TAB2: variants seen among roughly 807,000 people sequenced by gnomAD.
TAB2 encodes TGF-beta-activated kinase 1 and MAP3K7-binding protein 2.
A neutral mutation model predicts 65.0 loss-of-function variants in TAB2; 3 were observed. The ratio of observed to expected loss-of-function variants is 0.05; its 90% CI spans 0.02 to 0.12. The LOEUF (loss-of-function observed/expected upper bound fraction) is 0.12, where lower values mean the gene tolerates loss of function less well. TAB2 is among the 10% of genes least tolerant of loss of function. The probability of loss-of-function intolerance (pLI) is 1.00; values close to 1 mark genes in which losing one functional copy is unlikely to be tolerated. For missense variants in TAB2, 623 were observed against 840.3 expected, an observed-to-expected ratio of 0.74 and a Z score of 3.20; for synonymous variants, 298 against 285.1, an observed-to-expected ratio of 1.05 and a Z score of -0.46.
In TAB2 at chr6:149,382,640, A is replaced by T. The variant is rs187662435; in HGVS notation, c.1603+3122A>T. On this transcript the variant is annotated intron_variant, in intron 3 of 6. Transcript: ENST00000637181. ...AACTAGGAAGTTAGAGAAGCCCACA[A>T]TGTTAACCACTATCATATAATGTCT... Among the ~76,000 whole-genome samples, 5 of 152,238 alleles carry T rather than the reference A, an allele frequency of 3.3e-5. No homozygotes were observed. In the East Asian group the frequency reaches 9.6e-4, roughly 29 times the overall value.
At chr6:149,228,568 G>A (rs1777333152) in intron 1 of TAB2, among the ~76,000 whole-genome samples, 1 of 152,234 alleles carries the variant, frequency 6.6e-6, no homozygotes, top group African/African-American at 2.4e-5. Context: ...ACCAGCTGGA[G>A]ACAGGGTTCT....
intron 1 of TAB2, among the ~76,000 whole-genome samples, chr6:149,275,121 T>TGG (rs200997578): frequency 1.2e-5 from 1 of 85,946 alleles, no homozygotes; most frequent in African/African-American, 5.9e-5. Flanking sequence ...TTTTCTCTTC[T>TGG]TCTGTTTTTT....
At chr6:149,312,356 A>C (rs545750) in intron 1 of TAB2, among the ~76,000 whole-genome samples, 7 of 151,846 alleles carry the variant, frequency 4.6e-5, no homozygotes, top group Admixed American at 4.6e-4. Context: ...GCTTTTTTTT[A>C]ATTTTTTTGT....
At position 149,311,252 on chromosome 6, in the gene TAB2, T is replaced by C. The variant is rs534871023; in HGVS notation, c.-120-66766T>C. Among the ~76,000 whole-genome samples the C allele has an allele frequency of 1.3e-4, 20 of 152,342 alleles. No individual in the cohort carries two copies. In the East Asian group the frequency reaches 3.5e-3, roughly 26 times the overall value. On this transcript the variant is annotated intron_variant, in intron 1 of 1. Coordinates refer to the TAB2 transcript ENST00000606202. ...AAATATGCTCTATCTTTTCTGACTCTCTGGTCTTTTCTCCAGCTATCACAG... is the reference window on the plus strand; with the variant it reads ...AAATATGCTCTATCTTTTCTGACTCCCTGGTCTTTTCTCCAGCTATCACAG...
In TAB2 at chr6:149,379,810, T is replaced by C. The variant is rs140391735; in HGVS notation, c.1603+292T>C. The C allele has an allele frequency of 3.3e-3, 1,460 of 446,150 alleles. 17 individuals are homozygous for C. Among genetic ancestry groups the C allele is most frequent in the African/African-American group, 0.026 (1,305 of 49,750 alleles). The allele number at this position is 446,150 out of a possible 1,614,324, so 27.6% of individuals were successfully genotyped here. A position where few individuals can be genotyped will look rare whatever the true frequency, so the allele number is the denominator to read the frequency against. On this transcript the variant is annotated intron_variant, in intron 3 of 6. Transcript: ENST00000637181. ...AACACTTTCTTTTCAGTTAATCTTA[T>C]ACCTGTGGTGATGCTGACTTTCTCT...
chr6:149,311,297 G>A (rs1353237274), intron 1 of TAB2, among the ~76,000 whole-genome samples: 5 of 152,016 alleles, frequency 3.3e-5, no homozygotes, highest in Admixed American at 1.3e-4. Flanking sequence ...ATGCCCTCCC[G>A]TTTTTCTGTC....
Position 149,317,772 on chromosome 6 carries a change from C to G in TAB2, c.-333C>G, listed in dbSNP as rs1338024466. 1 of 165,114 alleles carries G rather than the reference C, an allele frequency of 6.1e-6. No homozygotes were observed. The allele number at this position is 165,114 out of a possible 1,614,324, so 10.2% of individuals were successfully genotyped here. A position where few individuals can be genotyped will look rare whatever the true frequency, so the allele number is the denominator to read the frequency against. On this transcript the variant is annotated 5_prime_UTR_variant, in exon 1 of 7. Transcript: ENST00000637181. This position sits in a 1 kb window ranked among gnomAD's most constrained non-coding sequence, Gnocchi z 4.7. ...ACCCAGCCCGACCCCCTCCCCTCCC[C>G]CTCAGCCAGGAGCGGTGGCGGCGGC...
chr6:149,343,298 G>A (rs998084673), intron 1 of TAB2, among the ~76,000 whole-genome samples: 7 of 147,034 alleles, frequency 4.8e-5, no homozygotes, highest in African/African-American at 1.8e-4. Context: ...GCGAAACCCC[G>A]CCTCCACTAA....
At chr6:149,380,526 A>T (rs1781572248) in intron 3 of TAB2, among the ~76,000 whole-genome samples, 1 of 152,306 alleles carries the variant, frequency 6.6e-6, no homozygotes, top group South Asian at 2.1e-4. Flanking sequence ...AAATAGAGAA[A>T]TTTCTGTCAT....
chr6:149,275,125 G>GTTTTTTTTTTTTTTTTTTTTTTTTT (rs370658789), intron 1 of TAB2, among the ~76,000 whole-genome samples: 1 of 67,856 alleles, frequency 1.5e-5, no homozygotes, highest in African/African-American at 6.6e-5. Flanking sequence ...CTCTTCTTCT[G>GTTTTTTTTTTTTTTTTTTTTTTTTT]TTTTTTTTTT....
At chr6:149,391,422 G>A (rs1781980449) in intron 3 of TAB2, among the ~76,000 whole-genome samples, 2 of 151,690 alleles carry the variant, frequency 1.3e-5, no homozygotes, top group Non-Finnish European at 2.9e-5. Context: ...TCCCCACTAT[G>A]GTTTCTCCAT....
chr6:149,275,232 GAGAGAAAGAAAGAAAGAAAGAAAGAA>G (rs1301490421), intron 1 of TAB2, among the ~76,000 whole-genome samples: 11 of 123,772 alleles, frequency 8.9e-5, no homozygotes, highest in African/African-American at 3.1e-4. Flanking sequence ...GGGGGAGAGA[GAGAGAAAGAAAGAAAGAAAGAAAGAA>G]AGAAAGAAAG....
At chr6:149,363,181 G>A (rs565141264) in intron 1 of TAB2, among the ~76,000 whole-genome samples, 47 of 152,136 alleles carry the variant, frequency 3.1e-4, no homozygotes, top group Non-Finnish European at 6.2e-4. Flanking sequence ...AAGTAACTGG[G>A]CAGAGGAGTA....
chr6:149,271,521 A>T (rs144484969), intron 1 of TAB2, among the ~76,000 whole-genome samples: 3,789 of 152,318 alleles, frequency 0.025, 75 homozygotes, highest in Middle Eastern at 0.068. Flanking sequence ...TGAAAAGAGA[A>T]GGCAGAGCAC....
At chr6:149,257,767 C>A (rs1778069570) in intron 1 of TAB2, among the ~76,000 whole-genome samples, 1 of 152,098 alleles carries the variant, frequency 6.6e-6, no homozygotes, top group South Asian at 2.1e-4. Context: ...CCCCTGATAA[C>A]TCCCCTAAAA....
chr6:149,352,951 C>T (rs1009921537), intron 1 of TAB2, among the ~76,000 whole-genome samples: 1 of 152,120 alleles, frequency 6.6e-6, no homozygotes, highest in Non-Finnish European at 1.5e-5. Flanking sequence ...TCTTAAGGAG[C>T]TTTTAAGGTT....
intron 3 of TAB2, among the ~76,000 whole-genome samples, chr6:149,383,148 C>T (rs1300032565): frequency 3.3e-5 from 5 of 151,160 alleles, no homozygotes; most frequent in Non-Finnish European, 7.4e-5. Context: ...AGTGAGATTC[C>T]GTCTCAAAAA....
At chr6:149,347,151 G>A (rs2114794591) in intron 1 of TAB2, 1 of 152,232 alleles carries the variant, frequency 6.6e-6, no homozygotes, top group African/African-American at 2.4e-5. Context: ...TAGATTTATT[G>A]CACTTTTCTT....
chr6:149,378,577 C>G lies in TAB2; in HGVS notation c.662C>G (p.Thr221Ser). 1.9e-6 allele frequency: 3 copies of G among 1,613,862 alleles called. No homozygotes were observed. The highest frequency in any genetic ancestry group is 2.5e-6 in the Non-Finnish European group (3 of 1,180,016). The stretch of plus-strand genomic sequence containing the variant: ...ATCTATATTAGGCCTTACATTACAA[C>G]TCCTGGTGGTACAACTCGACAGACA... Reference protein sequence around the residue: ...NSIYIRPYITTPGGTTRQTQQ... With the variant: ...NSIYIRPYITSPGGTTRQTQQ... Residue 221 changes from threonine to serine, a missense_variant, in exon 3 of 7, where the codon ACT (threonine) becomes AGT (serine). Thr to Ser is a moderately conservative substitution (Grantham distance 58). This residue lies in a region of TAB2 where 550 missense variants were observed against 665.7 expected (regional missense o/e 0.83). Transcript: ENST00000637181.
Sources: allele counts gnomAD v4.1 joint callset (sites outside exome capture counted in the v4.1 genomes callset), GRCh38; gene constraint gnomAD v4.1.1; regional missense constraint gnomAD v4.1.1; non-coding constraint Gnocchi (gnomAD v3.1); transcripts MANE v1.5; gene names NCBI Gene and HGNC (gene_info 2026-07-23, HGNC 2026-07-21).